ANKS1A: variants seen among roughly 807,000 people sequenced by gnomAD.
ANKS1A encodes ankyrin repeat and sterile alpha motif domain containing 1A.
In ANKS1A, 55 loss-of-function variants were observed where a neutral mutation model predicts 120.3. That is an observed-to-expected ratio of 0.46 (90% CI 0.37 to 0.57). ANKS1A has a LOEUF of 0.57. Among genes scored for constraint, ANKS1A ranks in the 20% least tolerant of loss-of-function variants. The pLI, the probability that ANKS1A is intolerant of heterozygous loss-of-function variation, is 0.00. For synonymous variants in ANKS1A, 590 were observed against 604.7 expected (o/e 0.98, Z 0.36); for missense variants, 1,123 against 1,480.3 (o/e 0.76, Z 3.96).
At chr6:34,992,565 G>A (rs1772633855) in intron 9 of ANKS1A, among the ~76,000 whole-genome samples, 1 of 152,218 alleles carries the variant, frequency 6.6e-6, no homozygotes, top group South Asian at 2.1e-4. Context: ...AGCTGTAGGT[G>A]CGTAAACCTG....
Position 35,044,682 on chromosome 6 carries a change from A to G in ANKS1A, c.2011-9417A>G, listed in dbSNP as rs1233380749. On this transcript the variant is annotated intron_variant, in intron 11 of 23. Coordinates refer to ENST00000360359, the MANE Select transcript of ANKS1A (RefSeq NM_015245.3). This position sits in a 1 kb window ranked among gnomAD's most constrained non-coding sequence, Gnocchi z 4.4. Reference sequence around the variant, plus strand: ...CCAGGAAGTGAGCTATTGTTCACACAACATGTTCTAAACGTTCTCTGCCAA... The same window carrying G: ...CCAGGAAGTGAGCTATTGTTCACACGACATGTTCTAAACGTTCTCTGCCAA... Among the ~76,000 whole-genome samples, 1 of 152,234 alleles carries G rather than the reference A, an allele frequency of 6.6e-6. No homozygotes were observed.
chr6:34,969,960 T>C (rs756148967), intron 2 of ANKS1A, 50 bp from the exon 3 acceptor site: 2 of 1,593,790 alleles, frequency 1.3e-6, no homozygotes, highest in Non-Finnish European at 1.7e-6. Context: ...AGCTGTTAGC[T>C]GGAAAGACTT....
chr6:34,908,263 G>T (rs900793744), intron 1 of ANKS1A, among the ~76,000 whole-genome samples: 18 of 152,222 alleles, frequency 1.2e-4, no homozygotes, highest in African/African-American at 4.1e-4. Context: ...GAAAGCCAAA[G>T]ATTCAGATAG....
intron 12 of ANKS1A, among the ~76,000 whole-genome samples, chr6:35,055,600 T>A (rs1776185735): frequency 6.6e-6 from 1 of 152,192 alleles, no homozygotes; most frequent in African/African-American, 2.4e-5. Flanking sequence ...AGTGTTGGGA[T>A]TACAGGTGTC....
chr6:35,091,465 C>T (rs888290410), downstream of ANKS1A: 17 of 974,620 alleles, frequency 1.7e-5, no homozygotes, highest in South Asian at 4.7e-5. Flanking sequence ...CTGGCAGAGG[C>T]GTGGGCACAG....
intron 1 of ANKS1A, among the ~76,000 whole-genome samples, chr6:34,944,560 A>T (rs559676799): frequency 2.6e-5 from 4 of 152,154 alleles, no homozygotes; most frequent in Admixed American, 6.5e-5. Flanking sequence ...CTTATTGTTG[A>T]ATTTTATGAG....
intron 1 of ANKS1A, among the ~76,000 whole-genome samples, chr6:34,959,329 A>AAT (rs1274519208): frequency 6.6e-6 from 1 of 152,218 alleles, no homozygotes; most frequent in Admixed American, 6.5e-5. Flanking sequence ...ATACTGGGGT[A>AAT]ATGTTGGTTC....
chr6:35,088,613 A>G lies in ANKS1A; in HGVS notation c.*4A>G, dbSNP rs771239016. The G allele has an allele frequency of 6.2e-7, 1 of 1,614,170 alleles. No homozygotes were observed. The highest frequency in any genetic ancestry group is 8.5e-7 in the Non-Finnish European group (1 of 1,180,022). On this transcript the variant is annotated 3_prime_UTR_variant, in exon 24 of 24. Transcript: ENST00000360359. ...TTGTTTGCTTCTGCCAAGCTGAGCC[A>G]CTGAGGAACCACACTGTGCTGCGGA...
At chr6:34,955,411 A>G (rs952205249) in intron 1 of ANKS1A, among the ~76,000 whole-genome samples, 1 of 152,200 alleles carries the variant, frequency 6.6e-6, no homozygotes, top group Non-Finnish European at 1.5e-5. Flanking sequence ...TGCTGGGATT[A>G]CAGGCGTGAG....
chr6:35,037,187 A>G (rs373369697), intron 11 of ANKS1A, among the ~76,000 whole-genome samples: 3 of 152,246 alleles, frequency 2.0e-5, no homozygotes, highest in South Asian at 2.1e-4. Flanking sequence ...AAATGGCTAT[A>G]ATGAATATTA....
chr6:35,071,912 C>T (rs1777106416), intron 13 of ANKS1A, among the ~76,000 whole-genome samples: 2 of 152,276 alleles, frequency 1.3e-5, no homozygotes, highest in Non-Finnish European at 1.5e-5. Flanking sequence ...CCCAGGCCGG[C>T]CCCTCCCCAT....
chr6:34,898,928 A>G (rs999440198), intron 1 of ANKS1A, among the ~76,000 whole-genome samples: 24 of 152,240 alleles, frequency 1.6e-4, no homozygotes, highest in Admixed American at 5.2e-4. Flanking sequence ...GTTTTTTGCT[A>G]TTAGAACAGC....
In ANKS1A at chr6:35,024,595, GA is replaced by G. The variant is rs202212384; in HGVS notation, c.2010+6538del. Among the ~76,000 whole-genome samples, 1,288 of 152,336 alleles carry G rather than the reference GA, an allele frequency of 8.5e-3. 10 individuals are homozygous for G. Among genetic ancestry groups the G allele is most frequent in the Middle Eastern group, 0.027 (8 of 294 alleles). ...AATAATTTCTGGCACAGGATTTTGG[GA>G]ATGTCCTGGCTTTGTCTGAAATGGT... is the stretch of plus-strand genomic sequence containing the variant. On this transcript the variant is annotated intron_variant, in intron 11 of 23. Coordinates refer to ENST00000360359, the MANE Select transcript of ANKS1A (RefSeq NM_015245.3).
intron 9 of ANKS1A, among the ~76,000 whole-genome samples, chr6:34,991,753 CACAT>C (rs373132895): frequency 0.058 from 1,665 of 28,794 alleles, 53 homozygotes; most frequent in Middle Eastern, 0.086. Context: ...CATATATACA[CACAT>C]ATATATATAC....
At chr6:34,952,005 G>A (rs1261481417) in intron 1 of ANKS1A, among the ~76,000 whole-genome samples, 1 of 152,126 alleles carries the variant, frequency 6.6e-6, no homozygotes, top group Non-Finnish European at 1.5e-5. Context: ...GAGCTGTGGA[G>A]AATTCACCTT....
intron 10 of ANKS1A, among the ~76,000 whole-genome samples, chr6:35,011,047 C>A (rs898786872): frequency 6.6e-6 from 1 of 152,208 alleles, no homozygotes; most frequent in Non-Finnish European, 1.5e-5. Context: ...CATTTAACTT[C>A]TTTAAGCCTC....
rs78142581 is a variant in ANKS1A, at chr6:34,920,110, T to C, written c.197+30511T>C. ...TTTTAAGAGTTCCTAATTAAATTGC[T>C]ATTGATTTATTGATGAGTGGGTCTG... On this transcript the variant is annotated intron_variant, in intron 1 of 23. Transcript: ENST00000360359. Among the ~76,000 whole-genome samples, 1,118 of 152,312 alleles carry C rather than the reference T, an allele frequency of 7.3e-3. 21 individuals are homozygous for C. Among genetic ancestry groups the C allele is most frequent in the African/African-American group, 0.026 (1,062 of 41,564 alleles).
In ANKS1A at chr6:35,084,713, G is replaced by A. The variant is rs79810595; in HGVS notation, c.3132+455G>A. On this transcript the variant is annotated intron_variant, in intron 21 of 23. Transcript: ENST00000360359. This position sits in a 1 kb window ranked among gnomAD's most constrained non-coding sequence, Gnocchi z 4.8. Reference sequence around the variant, plus strand: ...TGCCCTAGGTCTCCAACCTCTGGCTGGGCCGCCTCCCAGAAATGCCCTCTA... The same window carrying A: ...TGCCCTAGGTCTCCAACCTCTGGCTAGGCCGCCTCCCAGAAATGCCCTCTA... Among the ~76,000 whole-genome samples, 1 of 152,154 alleles carries A rather than the reference G, an allele frequency of 6.6e-6. No individual in the cohort carries two copies. Among genetic ancestry groups the A allele is most frequent in the Non-Finnish European group, 1.5e-5 (1 of 68,030 alleles).
At chr6:35,094,514 C>T (rs1311980885), downstream of ANKS1A, among the ~76,000 whole-genome samples, 1 of 150,620 alleles carries the variant, frequency 6.6e-6, no homozygotes, top group African/African-American at 2.4e-5. Flanking sequence ...TTTAAAGCAG[C>T]CATAAGAAAG....
Sources: allele counts gnomAD v4.1 joint callset (sites outside exome capture counted in the v4.1 genomes callset), GRCh38; gene constraint gnomAD v4.1.1; non-coding constraint Gnocchi (gnomAD v3.1); transcripts MANE v1.5; gene names NCBI Gene and HGNC (gene_info 2026-07-23, HGNC 2026-07-21).